The following NEGR1 variants were observed in gnomAD, a reference collection of about 807,000 sequenced individuals.
NEGR1 encodes neuronal growth regulator 1, also known as IgLON family member 4.
NEGR1 carries 10 observed loss-of-function variants against 40.9 expected under a neutral mutation model. The observed-to-expected ratio is 0.24, with a 90% confidence interval of 0.15 to 0.42. NEGR1 has a LOEUF of 0.42. NEGR1 is among the 10% of genes least tolerant of loss of function. NEGR1 has a pLI of 1.00. For synonymous variants in NEGR1, 185 were observed against 166.8 expected (o/e 1.11, Z -0.84); for missense variants, 352 against 438.9 (o/e 0.80, Z 1.77).
chr1:72,053,254 C>A (rs1183345860), intron 1 of NEGR1, among the ~76,000 whole-genome samples: 1 of 150,922 alleles, frequency 6.6e-6, no homozygotes, highest in Non-Finnish European at 1.5e-5. Flanking sequence ...GGGCTCCCAG[C>A]AATGTGGAAA....
intron 4 of NEGR1, among the ~76,000 whole-genome samples, chr1:71,684,818 C>A (rs1455173495): frequency 6.6e-6 from 1 of 152,132 alleles, no homozygotes; most frequent in Non-Finnish European, 1.5e-5. Flanking sequence ...TTGTCATATT[C>A]CTGCTTCTAT....
chr1:71,860,998 G>A (rs560659607), intron 2 of NEGR1, among the ~76,000 whole-genome samples: 2 of 152,012 alleles, frequency 1.3e-5, no homozygotes, highest in Non-Finnish European at 2.9e-5. Context: ...GTTTGCTAAC[G>A]ATTAAAAGCT....
chr1:72,181,185 G>A (rs750524774), intron 1 of NEGR1, among the ~76,000 whole-genome samples: 1 of 152,090 alleles, frequency 6.6e-6, no homozygotes, highest in Non-Finnish European at 1.5e-5. Flanking sequence ...TTCTGAGCAG[G>A]GTTTCAGTTT....
chr1:71,922,642 G>A (rs1215735841), intron 2 of NEGR1, among the ~76,000 whole-genome samples: 3 of 152,120 alleles, frequency 2.0e-5, no homozygotes, highest in Admixed American at 6.6e-5. Context: ...ATCAGTGAGA[G>A]CAATATCAAT....
chr1:72,226,288 G>GT (rs1654188235), intron 1 of NEGR1, among the ~76,000 whole-genome samples: 2 of 151,900 alleles, frequency 1.3e-5, no homozygotes, highest in Admixed American at 6.6e-5. Flanking sequence ...CTTTTAAAAT[G>GT]TAAGAATATC....
intron 1 of NEGR1, among the ~76,000 whole-genome samples, chr1:72,260,463 C>T (rs1034064166): frequency 3.9e-5 from 6 of 152,086 alleles, no homozygotes; most frequent in South Asian, 2.1e-4. Flanking sequence ...TTAGAATACA[C>T]ACATTTTATA....
At chr1:71,784,859 G>A (rs185176561) in intron 2 of NEGR1, among the ~76,000 whole-genome samples, 2 of 152,270 alleles carry the variant, frequency 1.3e-5, no homozygotes, top group African/African-American at 4.8e-5. Context: ...AAGGCTGCTG[G>A]TTTTAGAGAG....
chr1:71,480,418 CTA>C (rs1204108043), intron 6 of NEGR1, among the ~76,000 whole-genome samples: 1 of 151,818 alleles, frequency 6.6e-6, no homozygotes, highest in East Asian at 1.9e-4. Flanking sequence ...CTCCTTTTCT[CTA>C]TCTCTCTTCC....
chr1:71,839,385 T>C (rs544198850), intron 2 of NEGR1, among the ~76,000 whole-genome samples: 3 of 151,472 alleles, frequency 2.0e-5, no homozygotes, highest in Admixed American at 6.6e-5. Context: ...TGTATTTTTT[T>C]TTTTTAGTAG....
intron 6 of NEGR1, among the ~76,000 whole-genome samples, chr1:71,513,801 C>A (rs1647094692): frequency 1.3e-5 from 2 of 151,472 alleles, no homozygotes; most frequent in South Asian, 4.2e-4. Context: ...TCTGCATTTC[C>A]ATCTGAGGTA....
chr1:71,654,095 A>G (rs1448936320), intron 4 of NEGR1, among the ~76,000 whole-genome samples: 1 of 152,162 alleles, frequency 6.6e-6, no homozygotes, highest in Non-Finnish European at 1.5e-5. Context: ...CAGTCTGTAA[A>G]GGCTACATAC....
chr1:71,467,250 G>T (rs568680971), intron 6 of NEGR1, among the ~76,000 whole-genome samples: 1 of 152,050 alleles, frequency 6.6e-6, no homozygotes, highest in South Asian at 2.1e-4. Context: ...TCCCAAGGCT[G>T]TGTTGGAAGT....
intron 4 of NEGR1, among the ~76,000 whole-genome samples, chr1:71,668,804 T>C (rs75595937): frequency 0.029 from 4,389 of 152,176 alleles, 173 homozygotes; most frequent in African/African-American, 0.09. Flanking sequence ...CTGTGATTTT[T>C]GGTGAGAATA....
At chr1:71,886,192 AG>A (rs778950348) in intron 2 of NEGR1, among the ~76,000 whole-genome samples, 22 of 152,310 alleles carry the variant, frequency 1.4e-4, no homozygotes, top group Admixed American at 3.3e-4. Context: ...AGATTAGTCC[AG>A]TGAAGTTTCC....
chr1:71,952,665 A>T (rs979844578), intron 1 of NEGR1, among the ~76,000 whole-genome samples: 1 of 151,958 alleles, frequency 6.6e-6, no homozygotes, highest in African/African-American at 2.4e-5. Context: ...ACTGCCTTTT[A>T]TTGGAAGAAG....
At chr1:72,087,924 C>A (rs1335214935) in intron 1 of NEGR1, among the ~76,000 whole-genome samples, 1 of 151,900 alleles carries the variant, frequency 6.6e-6, no homozygotes, top group Middle Eastern at 3.2e-3. Flanking sequence ...GGAAGAAATG[C>A]CCTTTATGGC....
chr1:71,595,723 A>G (rs964688369), intron 5 of NEGR1, among the ~76,000 whole-genome samples: 3 of 152,326 alleles, frequency 2.0e-5, no homozygotes, highest in Non-Finnish European at 4.4e-5. Context: ...ACAGGTGTTT[A>G]CAACAGAAGG....
At chr1:71,877,245 C>T (rs974809865) in intron 2 of NEGR1, among the ~76,000 whole-genome samples, 4 of 152,006 alleles carry the variant, frequency 2.6e-5, no homozygotes, top group Non-Finnish European at 1.5e-5. Flanking sequence ...CATGTATGGC[C>T]TTAGAAGAAG....
intron 6 of NEGR1, among the ~76,000 whole-genome samples, chr1:71,558,277 C>G (rs568867400): frequency 2.0e-5 from 3 of 151,246 alleles, no homozygotes; most frequent in African/African-American, 4.8e-5. Context: ...ATCAAAGAAC[C>G]TGTGAACATA....
Sources: allele counts gnomAD v4.1 joint callset (sites outside exome capture counted in the v4.1 genomes callset), GRCh38; gene constraint gnomAD v4.1.1; transcripts MANE v1.5; gene names NCBI Gene and HGNC (gene_info 2026-07-23, HGNC 2026-07-21).